Variants in SHLD1 observed in about 807,000 individuals in gnomAD.
The protein encoded by SHLD1 is shieldin complex subunit 1, also known as RINN1-REV7-interacting novel NHEJ regulator 3.
Under a neutral mutation model 5.5 loss-of-function variants are expected in SHLD1, and 3 were observed. The ratio of observed to expected loss-of-function variants is 0.54; its 90% CI spans 0.25 to 1.40. SHLD1 has a LOEUF of 1.40. SHLD1 is among the 40% of genes most tolerant of loss of function. The pLI is 0.15. For synonymous variants in SHLD1, 92 were observed against 94.3 expected (o/e 0.98, Z 0.14); for missense variants, 210 against 244.4 (o/e 0.86, Z 0.94).
intron 2 of SHLD1, among the ~76,000 whole-genome samples, chr20:5,860,698 A>G (rs1290861956): frequency 6.6e-6 from 1 of 151,964 alleles, no homozygotes; most frequent in Non-Finnish European, 1.5e-5. Context: ...TGAAGAGTAC[A>G]GGCCAAGAAC....
At position 5,805,662 on chromosome 20, in the gene SHLD1, G is replaced by A. The variant is rs545365369; in HGVS notation, c.178+32619G>A. 1.8e-4 allele frequency among the ~76,000 whole-genome samples: 27 copies of A among 152,230 alleles called. No individual in the cohort carries two copies. The South Asian group carries it at 5.0e-3, about 28-fold the overall frequency. Reference sequence around the variant, plus strand: ...GTTTCCCAGGCTGGAGTGCAGTGGCGCAATCTCGGCTCACTGCAACCTCTG... The same window carrying A: ...GTTTCCCAGGCTGGAGTGCAGTGGCACAATCTCGGCTCACTGCAACCTCTG... On this transcript the variant is annotated intron_variant, in intron 2 of 2. Coordinates refer to ENST00000303142, the MANE Select transcript of SHLD1 (RefSeq NM_152504.4).
At chr20:5,771,614 A>G (rs893840918) in intron 1 of SHLD1, among the ~76,000 whole-genome samples, 1 of 149,592 alleles carries the variant, frequency 6.7e-6, no homozygotes, top group African/African-American at 2.5e-5. Flanking sequence ...CCATAACTCC[A>G]TAACTTTTTT....
rs200270119 is a variant in SHLD1 at position 5,863,217 on chromosome 20, C to T, written c.372C>T (p.Cys124=). The change falls in exon 3 of 3, where the codon TGC becomes TGT. Residue 124 remains cysteine (C), a synonymous_variant. Coordinates refer to ENST00000303142, the MANE Select transcript of SHLD1 (RefSeq NM_152504.4). ...CACTCTCTGCATCTGTCTGCAAGTG[C>T]CTGTCTCAGAAAATCACTCAACTAA... is the stretch of plus-strand genomic sequence containing the variant. The part of the protein sequence containing the change: ...ANSLSASVCK[C]LSQKITQLRG... The T allele has an allele frequency of 1.7e-5, 28 of 1,614,174 alleles. No homozygotes were observed. In the East Asian group the frequency reaches 5.6e-4, roughly 32 times the overall value.
intron 1 of SHLD1, among the ~76,000 whole-genome samples, chr20:5,764,139 AATATATATATATTTATATT>A (rs201894897): frequency 0.27 from 25,506 of 95,338 alleles, 4,208 homozygotes; most frequent in Non-Finnish European, 0.33. Context: ...AAAAAAAAAA[AATATATATATATTTATATT>A]TATATATATA....
At chr20:5,794,930 T>C (rs907348206) in intron 2 of SHLD1, among the ~76,000 whole-genome samples, 3 of 76,134 alleles carry the variant, frequency 3.9e-5, no homozygotes, top group Non-Finnish European at 8.8e-5. Context: ...TGTAAACTTA[T>C]TTGTTTACAT....
rs987404542 is a variant in SHLD1 at position 5,781,701 on chromosome 20, A to C, written c.178+8658A>C. Among the ~76,000 whole-genome samples the C allele has an allele frequency of 2.6e-5, 4 of 150,948 alleles. No individual in the cohort carries two copies. In the East Asian group the frequency reaches 7.8e-4, roughly 29 times the overall value. On this transcript the variant is annotated intron_variant, in intron 2 of 2. Transcript: ENST00000303142. ...ACCATGTTGGCCAGGCTGGTCTTGAACTCCTGACCTCAAGTCATCCGTCCA... is the reference window on the plus strand; with the variant it reads ...ACCATGTTGGCCAGGCTGGTCTTGACCTCCTGACCTCAAGTCATCCGTCCA...
At chr20:5,808,824 A>G (rs1324545870) in intron 2 of SHLD1, among the ~76,000 whole-genome samples, 5 of 152,250 alleles carry the variant, frequency 3.3e-5, no homozygotes, top group African/African-American at 7.2e-5. Context: ...TTTAATGGCT[A>G]AGTAACAAAA....
chr20:5,851,250 C>T (rs2088004945), intron 2 of SHLD1, among the ~76,000 whole-genome samples: 1 of 152,162 alleles, frequency 6.6e-6, no homozygotes, highest in Non-Finnish European at 1.5e-5. Flanking sequence ...ACTTGGGAGC[C>T]TGAGGCCAGA....
At chr20:5,786,764 T>G (rs1444748831) in intron 2 of SHLD1, among the ~76,000 whole-genome samples, 2 of 152,080 alleles carry the variant, frequency 1.3e-5, no homozygotes, top group East Asian at 3.9e-4. Context: ...TAACATTAGA[T>G]CTTACCTTTT....
chr20:5,799,739 A>G (rs2087264880), intron 2 of SHLD1, among the ~76,000 whole-genome samples: 1 of 152,096 alleles, frequency 6.6e-6, no homozygotes, highest in Non-Finnish European at 1.5e-5. Context: ...ATTCCTTTCA[A>G]ATTGCCTTCA....
chr20:5,819,831 A>G (rs1242169593), intron 2 of SHLD1, among the ~76,000 whole-genome samples: 1 of 152,234 alleles, frequency 6.6e-6, no homozygotes, highest in East Asian at 1.9e-4. Flanking sequence ...CTTAAAAACA[A>G]CAACAATAAA....
At chr20:5,845,208 A>G (rs1463121958) in intron 2 of SHLD1, among the ~76,000 whole-genome samples, 4 of 152,236 alleles carry the variant, frequency 2.6e-5, no homozygotes, top group African/African-American at 9.6e-5. Context: ...TCTTGTTACT[A>G]AGGTACTAAT....
intron 2 of SHLD1, among the ~76,000 whole-genome samples, chr20:5,819,257 C>A (rs571768936): frequency 6.6e-6 from 1 of 152,128 alleles, no homozygotes; most frequent in Non-Finnish European, 1.5e-5. Flanking sequence ...TTCATCTGGG[C>A]ATGCTCAGGT....
In SHLD1 at chr20:5,795,877, C is replaced by T. The variant is rs1207368874; in HGVS notation, c.178+22834C>T. ...GCGGGCACCTGTAGTCCCAGCTACT[C>T]GGGAGGCTGAGGCAGGAGAATGGCA... On this transcript the variant is annotated intron_variant, in intron 2 of 2. Transcript: ENST00000303142. Among the ~76,000 whole-genome samples the T allele has an allele frequency of 4.0e-5, 6 of 148,746 alleles. No homozygotes were observed. The East Asian group carries it at 1.2e-3, about 30-fold the overall frequency.
At chr20:5,788,875 T>C (rs2087098136) in intron 2 of SHLD1, among the ~76,000 whole-genome samples, 1 of 152,244 alleles carries the variant, frequency 6.6e-6, no homozygotes, top group South Asian at 2.1e-4. Flanking sequence ...CTCATGCCTG[T>C]AATCCCAGCA....
chr20:5,852,217 C>T (rs1462709223), intron 2 of SHLD1, among the ~76,000 whole-genome samples: 3 of 152,098 alleles, frequency 2.0e-5, no homozygotes, highest in South Asian at 2.1e-4. Flanking sequence ...AACACAAGAA[C>T]GGACTAATAC....
chr20:5,836,288 C>T (rs1308340219), intron 2 of SHLD1, among the ~76,000 whole-genome samples: 2 of 152,136 alleles, frequency 1.3e-5, no homozygotes, highest in African/African-American at 2.4e-5. Flanking sequence ...GTTAGCCTGC[C>T]TGATTAACCA....
intron 2 of SHLD1, among the ~76,000 whole-genome samples, chr20:5,776,408 C>T (rs1290906005): frequency 6.6e-6 from 1 of 152,072 alleles, no homozygotes; most frequent in African/African-American, 2.4e-5. Flanking sequence ...AGAGAGAGAG[C>T]CTCTTTCTCA....
intron 2 of SHLD1, among the ~76,000 whole-genome samples, chr20:5,832,058 A>C (rs960949868): frequency 2.0e-5 from 3 of 152,180 alleles, no homozygotes; most frequent in Non-Finnish European, 4.4e-5. Context: ...CTCCCACCTC[A>C]GCCTCGCAGG....
Sources: gnomAD v4.1 joint callset for allele counts (sites outside exome capture counted in the v4.1 genomes callset) on GRCh38, gnomAD v4.1.1 for gene constraint, MANE v1.5 for transcripts, NCBI Gene and HGNC (gene_info 2026-07-23, HGNC 2026-07-21) for gene names.